The following CFAP57 variants were observed in gnomAD, a reference collection of about 807,000 sequenced individuals.
CFAP57 encodes cilia and flagella associated protein 57.
In CFAP57, 116 loss-of-function variants were observed where a neutral mutation model predicts 146.8. The ratio of observed to expected loss-of-function variants is 0.79; its 90% CI spans 0.68 to 0.92. CFAP57 has a LOEUF of 0.92. Ranked by LOEUF, CFAP57 falls within the 40% of genes least tolerant of loss-of-function variation. The pLI, the probability that CFAP57 is intolerant of heterozygous loss-of-function variation, is 0.00. For missense variants in CFAP57, 1,377 were observed against 1,527.2 expected (o/e 0.90, Z 1.64); for synonymous variants, 518 against 552.8 (o/e 0.94, Z 0.88).
At chr1:43,202,715 G>A (rs548763989) in intron 9 of CFAP57, among the ~76,000 whole-genome samples, 18 of 151,724 alleles carry the variant, frequency 1.2e-4, no homozygotes, top group South Asian at 1.0e-3. Context: ...CCTCGGAGGC[G>A]GAGGTTGCAG....
At chr1:43,215,665 AT>A (rs1306780390) in intron 12 of CFAP57, among the ~76,000 whole-genome samples, 1 of 152,148 alleles carries the variant, frequency 6.6e-6, no homozygotes, top group African/African-American at 2.4e-5. Context: ...TTATTCTGTG[AT>A]CTGGTTTTCT....
At chr1:43,220,924 G>T (rs1177639432) in intron 13 of CFAP57, among the ~76,000 whole-genome samples, 1 of 152,126 alleles carries the variant, frequency 6.6e-6, no homozygotes, top group Non-Finnish European at 1.5e-5. Flanking sequence ...CGCAAAGTTA[G>T]GTCCTGAAGA....
At chr1:43,218,860 A>G (rs182059635) in intron 12 of CFAP57, among the ~76,000 whole-genome samples, 144 of 152,310 alleles carry the variant, frequency 9.5e-4, no homozygotes, top group Non-Finnish European at 1.5e-3. Context: ...ATCTTCTGAG[A>G]TCTTACTCTG....
rs1210565022 is a variant in CFAP57, at chr1:43,232,573, G to T, written c.3075G>T (p.Leu1025Phe). ...NTQLELNITE[L>F]WQKLRATDQE... Reference sequence around the variant, plus strand: ...AACTGGAGCTGAACATCACAGAATTGTGGCAGAAACTGAGAGCCACCGATC... The same window carrying T: ...AACTGGAGCTGAACATCACAGAATTTTGGCAGAAACTGAGAGCCACCGATC... Residue 1025 changes from leucine (L) to phenylalanine (F), a missense_variant, in exon 19 of 23, where the codon TTG (leucine) becomes TTT (phenylalanine). Transcript: ENST00000372492. 37 of 1,549,538 alleles carry T rather than the reference G, an allele frequency of 2.4e-5. No individual in the cohort carries two copies. The highest frequency in any genetic ancestry group is 2.6e-5 in the Non-Finnish European group (30 of 1,146,280).
intron 11 of CFAP57, 103 bp from the exon 12 acceptor site, chr1:43,215,152 T>C: frequency 7.3e-7 from 1 of 1,360,666 alleles, no homozygotes. Context: ...CCTGTGAGGC[T>C]GTGCCCAGGA....
intron 11 of CFAP57, among the ~76,000 whole-genome samples, chr1:43,212,125 T>C (rs1644641812): frequency 6.6e-6 from 1 of 152,234 alleles, no homozygotes; most frequent in South Asian, 2.1e-4. Context: ...TTACATCTTC[T>C]AGAACTGTAG....
At chr1:43,239,795 TC>T (rs1424723409) in intron 21 of CFAP57, among the ~76,000 whole-genome samples, 2 of 152,152 alleles carry the variant, frequency 1.3e-5, no homozygotes, top group Non-Finnish European at 2.9e-5. Context: ...CAAGCAAGCT[TC>T]CCCCTGTGGC....
At chr1:43,199,768 C>T (rs1260097415) in intron 9 of CFAP57, among the ~76,000 whole-genome samples, 1 of 152,110 alleles carries the variant, frequency 6.6e-6, no homozygotes, top group East Asian at 1.9e-4. Context: ...AGGCTTGGTC[C>T]TATAAGAGTG....
At chr1:43,189,785 A>G (rs1425548842) in intron 6 of CFAP57, among the ~76,000 whole-genome samples, 1 of 152,216 alleles carries the variant, frequency 6.6e-6, no homozygotes, top group Non-Finnish European at 1.5e-5. Context: ...GAAGCTTACA[A>G]TCATAGTGGA....
intron 21 of CFAP57, among the ~76,000 whole-genome samples, chr1:43,239,061 G>T (rs1486404152): frequency 6.6e-6 from 1 of 151,880 alleles, no homozygotes. Flanking sequence ...CTTCTCCTCT[G>T]TCTCCCCTGG....
In CFAP57 at chr1:43,209,767, G is replaced by C. The variant is rs1644515987; in HGVS notation, c.1780G>C (p.Asp594His). The C allele has an allele frequency of 6.2e-7, 1 of 1,614,046 alleles. No individual in the cohort carries two copies. Among genetic ancestry groups the C allele is most frequent in the Non-Finnish European group, 8.5e-7 (1 of 1,180,046 alleles). Reference protein sequence around the residue: ...SLILREISAFDVTYTAIVISH... With the variant: ...SLILREISAFHVTYTAIVISH... The stretch of plus-strand genomic sequence containing the variant: ...GATCCTTCGAGAGATATCGGCGTTT[G>C]ATGTCACCTACACCGCCATTGTCAT... Residue 594 changes from aspartate to histidine, a missense_variant, in exon 11 of 23, where the codon GAT (aspartate) becomes CAT (histidine). By Grantham distance (81) the Asp-to-His change is moderately conservative. Transcript: ENST00000372492.
At chr1:43,225,012 G>A (rs1481969248) in intron 17 of CFAP57, among the ~76,000 whole-genome samples, 1 of 152,188 alleles carries the variant, frequency 6.6e-6, no homozygotes, top group East Asian at 1.9e-4. Flanking sequence ...ATGCCTGGAT[G>A]TCATTTCTGC....
intron 3 of CFAP57, among the ~76,000 whole-genome samples, chr1:43,183,048 T>G (rs1478475565): frequency 6.6e-6 from 1 of 152,226 alleles, no homozygotes; most frequent in Non-Finnish European, 1.5e-5. Context: ...ACCAAGATAC[T>G]CTACAGTGTG....
Position 43,209,894 on chromosome 1 carries a change from C to T in CFAP57, c.1907C>T (p.Ala636Val), listed in dbSNP as rs1235971743. Residue 636 changes from alanine to valine, a missense_variant, in exon 11 of 23, where the codon GCC (alanine) becomes GTC (valine). Coordinates refer to ENST00000372492, the MANE Select transcript of CFAP57 (RefSeq NM_001378189.1). ...PLQKEFNEYQ[A>V]HAGPITKMLL... ...CAGAAGGAATTCAATGAGTACCAGGCCCATGCCGGTCCTATCACCAAGGTG... is the reference window on the plus strand; with the variant it reads ...CAGAAGGAATTCAATGAGTACCAGGTCCATGCCGGTCCTATCACCAAGGTG... The T allele has an allele frequency of 6.2e-7, 1 of 1,614,238 alleles. No homozygotes were observed. The highest frequency in any genetic ancestry group is 2.2e-5 in the East Asian group (1 of 44,886).
intron 12 of CFAP57, among the ~76,000 whole-genome samples, chr1:43,218,160 A>AG (rs1644909675): frequency 6.6e-6 from 1 of 152,252 alleles, no homozygotes; most frequent in Admixed American, 6.5e-5. Flanking sequence ...ATGATGAGAT[A>AG]GGGATGCACG....
chr1:43,229,894 G>T (rs1645400206), intron 18 of CFAP57, among the ~76,000 whole-genome samples: 1 of 152,108 alleles, frequency 6.6e-6, no homozygotes. Flanking sequence ...GAGGTCCCCT[G>T]GGGGGTGCAA....
chr1:43,231,714 A>G (rs1367913917), intron 18 of CFAP57, among the ~76,000 whole-genome samples: 1 of 149,896 alleles, frequency 6.7e-6, no homozygotes, highest in Non-Finnish European at 1.5e-5. Context: ...AAAAAAAAAA[A>G]AAAATTAGTT....
At position 43,206,828 on chromosome 1, in the gene CFAP57, G is replaced by C. The variant is rs138469562; in HGVS notation, c.1651G>C (p.Val551Leu). Reference sequence around the variant, plus strand: ...CACAGGAAAGAGAGAGACAGAATGCGTGCTCAAGTCTTGCAGCTACAACTG... The same window carrying C: ...CACAGGAAAGAGAGAGACAGAATGCCTGCTCAAGTCTTGCAGCTACAACTG... ...LSTGKRETEC[V>L]LKSCSYNCVT... Residue 551 changes from valine (V) to leucine (L), a missense_variant, in exon 10 of 23, where the codon GTG (valine) becomes CTG (leucine). Physicochemically the swap from Val to Leu is conservative, Grantham distance 32. Coordinates refer to ENST00000372492, the MANE Select transcript of CFAP57 (RefSeq NM_001378189.1). 1.9e-6 allele frequency: 3 copies of C among 1,614,204 alleles called. No homozygotes were observed. Among genetic ancestry groups the C allele is most frequent in the South Asian group, 1.1e-5 (1 of 91,078 alleles).
chr1:43,175,533 C>T (rs1467526307), intron 2 of CFAP57, among the ~76,000 whole-genome samples: 1 of 151,672 alleles, frequency 6.6e-6, no homozygotes, highest in Non-Finnish European at 1.5e-5. Flanking sequence ...TTTTAAGAAA[C>T]CAGGTCTCAC....
Sources: allele counts gnomAD v4.1 joint callset (sites outside exome capture counted in the v4.1 genomes callset), GRCh38; gene constraint gnomAD v4.1.1; transcripts MANE v1.5; gene names NCBI Gene and HGNC (gene_info 2026-07-23, HGNC 2026-07-21).